Variants in RPL28 observed in about 807,000 individuals in gnomAD.
RPL28 encodes ribosomal protein L28.
In RPL28, 4 loss-of-function variants were observed where a neutral mutation model predicts 12.5. The ratio of observed to expected loss-of-function variants is 0.32; its 90% CI spans 0.16 to 0.73. The LOEUF is 0.73. Ranked by LOEUF, RPL28 falls within the 30% of genes least tolerant of loss-of-function variation. The pLI, the probability that RPL28 is intolerant of heterozygous loss-of-function variation, is 0.66. For synonymous variants in RPL28, 91 were observed against 72.5 expected (o/e 1.26, Z -1.30); for missense variants, 214 against 197.7 (o/e 1.08, Z -0.49).
rs758100356 is a variant in RPL28 at position 55,386,776 on chromosome 19, G to A, written c.205+83G>A. The A allele has an allele frequency of 2.9e-5, 46 of 1,612,036 alleles. 1 individual carries two copies. The South Asian group carries it at 4.8e-4, about 17-fold the overall frequency. Reference sequence around the variant, plus strand: ...GATTTTTTACTGTCAGGCAGGAAGAGCGGTAACTGCCATCGCGGCGGGCAT... The same window carrying A: ...GATTTTTTACTGTCAGGCAGGAAGAACGGTAACTGCCATCGCGGCGGGCAT... On this transcript the variant is annotated intron_variant, in intron 3 of 4. Coordinates refer to ENST00000344063, the MANE Select transcript of RPL28 (RefSeq NM_000991.5).
At chr19:55,398,068 C>T (rs769575329) in intron 4 of RPL28, among the ~76,000 whole-genome samples, 46 of 151,950 alleles carry the variant, frequency 3.0e-4, no homozygotes, top group South Asian at 6.2e-4. Context: ...TGGTGGCACA[C>T]GCCTGTAATC....
In RPL28 at chr19:55,388,187, A is replaced by AG. The variant is rs1177733371; in HGVS notation, c.325-51dup. 6 of 1,517,362 alleles carry AG rather than the reference A, an allele frequency of 4.0e-6. No homozygotes were observed. In the South Asian group the frequency reaches 6.3e-5, roughly 16 times the overall value. 94.0% of individuals were successfully genotyped at this position (1,517,362 alleles called of 1,614,324 possible). On this transcript the variant is annotated intron_variant, in intron 4 of 4. Coordinates refer to ENST00000344063, the MANE Select transcript of RPL28 (RefSeq NM_000991.5). ...TACTCCCCACACCCAGCATTGGCCT[A>AG]GGGGGCGGCTTGTGGAGTGTATGGG...
chr19:55,401,386 G>A (rs1376806879), intron 4 of RPL28: 14 of 1,235,070 alleles, frequency 1.1e-5, no homozygotes, highest in Non-Finnish European at 1.5e-5. Context: ...AGAGTTGGAG[G>A]GAGGGGACAG....
intron 4 of RPL28, among the ~76,000 whole-genome samples, chr19:55,397,631 C>T (rs1185788613): frequency 6.6e-6 from 1 of 151,990 alleles, no homozygotes; most frequent in Non-Finnish European, 1.5e-5. Context: ...CCACCCGCCT[C>T]GACCTCCCAA....
At chr19:55,394,013 A>G (rs1184013046), downstream of RPL28, among the ~76,000 whole-genome samples, 1 of 151,474 alleles carries the variant, frequency 6.6e-6, no homozygotes, top group Non-Finnish European at 1.5e-5. Flanking sequence ...CTGTAATCCC[A>G]GCACTTTGGG....
intron 3 of RPL28, chr19:55,387,398 C>T (rs901706367): frequency 3.2e-6 from 5 of 1,549,814 alleles, no homozygotes; most frequent in Admixed American, 2.0e-5. Context: ...CTCAGGGACA[C>T]GTAGTCCAGG....
intron 4 of RPL28, chr19:55,401,766 T>C: frequency 6.2e-7 from 1 of 1,613,030 alleles, no homozygotes; most frequent in Non-Finnish European, 8.5e-7. Context: ...TGATGGTCTG[T>C]GGGAAGAGGC....
chr19:55,401,343 C>T lies in RPL28; in HGVS notation c.325-1600C>T, dbSNP rs769031848. 7.9e-5 allele frequency: 79 copies of T among 1,004,902 alleles called. 2 individuals carry two copies. The highest frequency in any genetic ancestry group is 5.8e-4 in the South Asian group (36 of 61,546). 62.2% of individuals were successfully genotyped at this position (1,004,902 alleles called of 1,614,324 possible). ...GTCCCAGTGCCCCCTGTACCCTCCC[C>T]GACCCCAGCCATAATTTAAATAACT... On this transcript the variant is annotated intron_variant, in intron 4 of 4. Transcript: ENST00000560055.
At chr19:55,401,105 C>T (rs1228283169) in intron 4 of RPL28, 2 of 369,854 alleles carry the variant, frequency 5.4e-6, no homozygotes, top group Non-Finnish European at 9.8e-6. Context: ...GACCGCTCTA[C>T]CTCCACAGAA....
At position 55,389,031 on chromosome 19, in the gene RPL28, C is replaced by G. The variant is rs2089963982; in HGVS notation, c.*699C>G. The G allele has an allele frequency of 2.0e-6, 2 of 985,366 alleles. No individual in the cohort carries two copies. Among genetic ancestry groups the G allele is most frequent in the South Asian group, 9.4e-5 (2 of 21,292 alleles). 61.0% of individuals were successfully genotyped at this position (985,366 alleles called of 1,614,324 possible). A position where few individuals can be genotyped will look rare whatever the true frequency, so the allele number is the denominator to read the frequency against. On this transcript the variant is annotated 3_prime_UTR_variant, in exon 5 of 5. Transcript: ENST00000344063. ...TTGAGCTGGCTCTTGTCACTTAGGT[C>G]TCATCTCAGTGGCCGCTCCTGGGCC...
At chr19:55,396,649 T>TGGCGCGATCTC (rs1410131209), downstream of RPL28, among the ~76,000 whole-genome samples, 6 of 137,440 alleles carry the variant, frequency 4.4e-5, no homozygotes, top group Non-Finnish European at 6.3e-5. Flanking sequence ...TGGAGTGCAG[T>TGGCGCGATCTC]GGCTCACTGC....
chr19:55,402,767 T>TGGGGA (rs1384346597), intron 4 of RPL28, among the ~76,000 whole-genome samples: 1 of 152,030 alleles, frequency 6.6e-6, no homozygotes, highest in Non-Finnish European at 1.5e-5. Context: ...CCCAGCAGCC[T>TGGGGA]CCAATGACAC....
In RPL28 at chr19:55,390,089, C is replaced by G; in HGVS notation, c.*1757C>G. On this transcript the variant is annotated 3_prime_UTR_variant, in exon 5 of 5. Coordinates refer to ENST00000344063, the MANE Select transcript of RPL28 (RefSeq NM_000991.5). ...CACAAGCTGGCAGGTTTATCTGTCT[C>G]ATGTTTGTCTTGTGCTGGTGGGCAA... 1 of 985,524 alleles carries G rather than the reference C, an allele frequency of 1.0e-6. No individual in the cohort carries two copies. Among genetic ancestry groups the G allele is most frequent in the Non-Finnish European group, 1.2e-6 (1 of 829,978 alleles). The allele number at this position is 985,524 out of a possible 1,614,324, so 61.0% of individuals were successfully genotyped here.
chr19:55,393,206 A>G (rs904741744), downstream of RPL28, among the ~76,000 whole-genome samples: 5 of 151,166 alleles, frequency 3.3e-5, no homozygotes, highest in Admixed American at 6.6e-5. Context: ...ATCTTTACAA[A>G]TGATAAATGA....
chr19:55,394,069 A>G (rs567711046), downstream of RPL28, among the ~76,000 whole-genome samples: 32 of 151,944 alleles, frequency 2.1e-4, no homozygotes, highest in Non-Finnish European at 4.4e-4. Context: ...AAGACCATCC[A>G]GGCTAACACA....
downstream of RPL28, among the ~76,000 whole-genome samples, chr19:55,394,108 A>G (rs1356075350): frequency 6.6e-6 from 1 of 152,040 alleles, no homozygotes; most frequent in Non-Finnish European, 1.5e-5. Flanking sequence ...TAAAAATACT[A>G]AAAACTGGCC....
intron 4 of RPL28, among the ~76,000 whole-genome samples, chr19:55,402,606 T>C (rs1303246167): frequency 6.6e-6 from 1 of 152,168 alleles, no homozygotes; most frequent in African/African-American, 2.4e-5. Flanking sequence ...TCAGCAGATA[T>C]CACTGATGGT....
chr19:55,395,712 G>T (rs558033685), downstream of RPL28, among the ~76,000 whole-genome samples: 40 of 151,946 alleles, frequency 2.6e-4, no homozygotes, highest in South Asian at 8.2e-3. Context: ...CAAAGTGCTG[G>T]GATTACAGGC....
At position 55,389,463 on chromosome 19, in the gene RPL28, C is replaced by T. The variant is rs1229502598; in HGVS notation, c.*1131C>T. The T allele has an allele frequency of 2.0e-6, 2 of 985,328 alleles. No homozygotes were observed. The highest frequency in any genetic ancestry group is 4.7e-5 in the South Asian group (1 of 21,294). The allele number at this position is 985,328 out of a possible 1,614,324, so 61.0% of individuals were successfully genotyped here. ...ACCAAGGATCCAGCATCCATGGCAC[C>T]CCTGGTTCCTGCCATCCTGGGGTAC... On this transcript the variant is annotated 3_prime_UTR_variant, in exon 5 of 5. Coordinates refer to ENST00000344063, the MANE Select transcript of RPL28 (RefSeq NM_000991.5).
Sources: gnomAD v4.1 joint callset for allele counts (sites outside exome capture counted in the v4.1 genomes callset) on GRCh38, gnomAD v4.1.1 for gene constraint, MANE v1.5 for transcripts, NCBI Gene and HGNC (gene_info 2026-07-23, HGNC 2026-07-21) for gene names.